Variants in CCDC192 observed in about 807,000 individuals in gnomAD.
The protein encoded by CCDC192 is coiled-coil domain-containing protein 192.
chr5:127,938,468 T>C (rs1009970334), intron 6 of CCDC192, among the ~76,000 whole-genome samples: 64 of 152,194 alleles, frequency 4.2e-4, no homozygotes, highest in Admixed American at 1.9e-3. Context: ...CACATCCACC[T>C]GGGTTTCAGA....
chr5:127,747,742 A>T lies in CCDC192; in HGVS notation c.115-6526A>T, dbSNP rs1170480979. ...CCACCAACAGTGTAAAAGTGTTCCT[A>T]TTTCTCCACATCCTCTCCAGCACCT... is the stretch of plus-strand genomic sequence containing the variant. On this transcript the variant is annotated intron_variant, in intron 2 of 6. Coordinates refer to ENST00000514853, the MANE Select transcript of CCDC192 (RefSeq NM_001317938.2). Among the ~76,000 whole-genome samples the T allele has an allele frequency of 2.7e-5, 4 of 148,650 alleles. No individual in the cohort carries two copies. In the East Asian group the frequency reaches 8.0e-4, roughly 30 times the overall value.
At chr5:127,927,495 A>G (rs1753893923) in intron 6 of CCDC192, among the ~76,000 whole-genome samples, 1 of 152,144 alleles carries the variant, frequency 6.6e-6, no homozygotes, top group Non-Finnish European at 1.5e-5. Context: ...CAGACAACTC[A>G]TCCAAGAGCT....
At chr5:127,849,512 A>G (rs1750707828) in intron 5 of CCDC192, among the ~76,000 whole-genome samples, 3 of 152,182 alleles carry the variant, frequency 2.0e-5, no homozygotes, top group Non-Finnish European at 4.4e-5. Flanking sequence ...CTCCTGGGAC[A>G]AAAGAGTGAT....
chr5:127,708,756 T>C (rs954743285), intron 2 of CCDC192, among the ~76,000 whole-genome samples: 91 of 152,078 alleles, frequency 6.0e-4, no homozygotes, highest in African/African-American at 2.1e-3. Context: ...TGCCTGAGAG[T>C]GTACAGGAGC....
intron 5 of CCDC192, among the ~76,000 whole-genome samples, chr5:127,838,857 C>G (rs1050243570): frequency 2.6e-5 from 4 of 152,138 alleles, no homozygotes; most frequent in Non-Finnish European, 5.9e-5. Flanking sequence ...GTGGTGTGAC[C>G]AGAACTGGTA....
intron 3 of CCDC192, among the ~76,000 whole-genome samples, chr5:127,776,419 G>A (rs1392779100): frequency 6.6e-6 from 1 of 152,168 alleles, no homozygotes; most frequent in Admixed American, 6.5e-5. Flanking sequence ...GGTGGCTTGG[G>A]TGCTGTTGTT....
intron 5 of CCDC192, among the ~76,000 whole-genome samples, chr5:127,847,638 C>T (rs1055438771): frequency 6.6e-6 from 1 of 151,866 alleles, no homozygotes; most frequent in Non-Finnish European, 1.5e-5. Flanking sequence ...GCCTGACCAA[C>T]ATGGTGAAAC....
At chr5:127,874,905 T>A (rs935790520) in intron 5 of CCDC192, among the ~76,000 whole-genome samples, 2 of 152,212 alleles carry the variant, frequency 1.3e-5, no homozygotes, top group East Asian at 1.9e-4. Context: ...AAGTTCCTAA[T>A]GCAGTTCTCC....
At chr5:127,797,754 TATATATATATATA>T (rs1561494062) in intron 4 of CCDC192, among the ~76,000 whole-genome samples, 6,116 of 138,074 alleles carry the variant, frequency 0.044, 247 homozygotes, top group Middle Eastern at 0.086. Flanking sequence ...TATATATATA[TATATATATATATA>T]TATATATATA....
chr5:127,791,316 A>G (rs1317693886), intron 3 of CCDC192, among the ~76,000 whole-genome samples: 5 of 152,250 alleles, frequency 3.3e-5, no homozygotes, highest in South Asian at 2.1e-4. Flanking sequence ...AAGATAAACT[A>G]TATCTATTGT....
At chr5:127,749,432 T>C (rs926063997) in intron 2 of CCDC192, among the ~76,000 whole-genome samples, 47 of 151,984 alleles carry the variant, frequency 3.1e-4, no homozygotes, top group African/African-American at 7.7e-4. Context: ...TTTGCGTATA[T>C]TGAACCAGCC....
At chr5:127,784,596 C>T in intron 3 of CCDC192, 1 of 574,608 alleles carries the variant, frequency 1.7e-6, no homozygotes, top group South Asian at 1.6e-5. Flanking sequence ...GACACACAGT[C>T]AGACCCTTCC....
intron 6 of CCDC192, among the ~76,000 whole-genome samples, chr5:127,901,560 A>G (rs983304175): frequency 6.6e-6 from 1 of 152,206 alleles, no homozygotes; most frequent in South Asian, 2.1e-4. Flanking sequence ...AAATAAAATT[A>G]ATTAAATCAT....
chr5:127,800,402 C>CAAAAAAAAAAAAAAAAA (rs772597286), intron 5 of CCDC192, among the ~76,000 whole-genome samples: 1 of 88,290 alleles, frequency 1.1e-5, no homozygotes, highest in African/African-American at 4.9e-5. Flanking sequence ...AAAAAAAAAA[C>CAAAAAAAAAAAAAAAAA]AACAACAACA....
At chr5:127,922,155 A>G (rs1360542573) in intron 6 of CCDC192, among the ~76,000 whole-genome samples, 1 of 152,222 alleles carries the variant, frequency 6.6e-6, no homozygotes, top group Non-Finnish European at 1.5e-5. Flanking sequence ...TGCATGTGAA[A>G]CAACCAGCTT....
intron 2 of CCDC192, among the ~76,000 whole-genome samples, chr5:127,730,468 T>C (rs1004341143): frequency 6.6e-6 from 1 of 152,154 alleles, no homozygotes. Context: ...TACCATTTAT[T>C]CTGAAACTAT....
intron 6 of CCDC192, among the ~76,000 whole-genome samples, chr5:127,880,509 G>C (rs1305966526): frequency 6.7e-6 from 1 of 149,588 alleles, no homozygotes; most frequent in South Asian, 2.1e-4. Flanking sequence ...GCTAGATGAC[G>C]AGTTAGTGGG....
intron 6 of CCDC192, among the ~76,000 whole-genome samples, chr5:127,921,160 A>AGG (rs1407114781): frequency 9.8e-5 from 14 of 143,192 alleles, no homozygotes; most frequent in African/African-American, 3.5e-4. Flanking sequence ...AGGAAAGGAG[A>AGG]AAAGAAAAGA....
chr5:127,898,225 A>G (rs10058856), intron 6 of CCDC192, among the ~76,000 whole-genome samples: 1 of 151,736 alleles, frequency 6.6e-6, no homozygotes, highest in Non-Finnish European at 1.5e-5. Flanking sequence ...TCTCCTGCCT[A>G]GGCCCCTCGA....
Sources: gnomAD v4.1 joint callset for allele counts (sites outside exome capture counted in the v4.1 genomes callset) on GRCh38, gnomAD v4.1.1 for gene constraint, MANE v1.5 for transcripts, NCBI Gene and HGNC (gene_info 2026-07-23, HGNC 2026-07-21) for gene names.